INTS8: variants seen among roughly 807,000 people sequenced by gnomAD.
INTS8 encodes protein kaonashi-1.
INTS8 carries 47 observed loss-of-function variants against 138.9 expected under a neutral mutation model. The observed-to-expected ratio is 0.34, with a 90% CI of 0.27 to 0.43. The LOEUF (loss-of-function observed/expected upper bound fraction) is 0.43. Ranked by LOEUF, INTS8 falls within the 20% of genes least tolerant of loss-of-function variation. The pLI, the probability that INTS8 is intolerant of heterozygous loss-of-function variation, is 1.00. For synonymous variants in INTS8, 392 were observed against 400.9 expected, an observed-to-expected ratio of 0.98 and a Z score of 0.27; for missense variants, 996 against 1,173.0, an observed-to-expected ratio of 0.85 and a Z score of 2.20.
At chr8:94,860,829 G>A (rs1206707962) in intron 16 of INTS8, among the ~76,000 whole-genome samples, 2 of 151,960 alleles carry the variant, frequency 1.3e-5, no homozygotes, top group Non-Finnish European at 2.9e-5. Context: ...GCCGAGACGG[G>A]CAGATCACGA....
intron 4 of INTS8, 137 bp downstream of exon 4, chr8:94,827,930 T>G (rs903077439): frequency 1.3e-6 from 1 of 748,936 alleles, no homozygotes; most frequent in African/African-American, 1.7e-5. Context: ...GAAGGTTTGT[T>G]TGAAGGAGTT....
At chr8:94,831,373 C>T (rs2130997523) in intron 5 of INTS8, among the ~76,000 whole-genome samples, 1 of 152,280 alleles carries the variant, frequency 6.6e-6, no homozygotes, top group South Asian at 2.1e-4. Flanking sequence ...CTCGCTTGGC[C>T]TCCCAAAGTG....
At chr8:94,838,737 C>T (rs1815027757) in intron 8 of INTS8, 119 bp downstream of exon 8, 3 of 679,572 alleles carry the variant, frequency 4.4e-6, no homozygotes, top group Non-Finnish European at 5.1e-6. Flanking sequence ...CACTGTCATA[C>T]TGGCCTGTAA....
Position 94,862,103 on chromosome 8 carries a change from G to A in INTS8, c.2076+2471G>A, listed in dbSNP as rs1207210876. On this transcript the variant is annotated intron_variant, in intron 16 of 26. Coordinates refer to ENST00000523731, the MANE Select transcript of INTS8 (RefSeq NM_017864.4). ...TTACAGGCATGCACCACCACACCCG[G>A]GTAGTTTTTTTTTGTTTTGTATTTT... Among the ~76,000 whole-genome samples, 6 of 151,778 alleles carry A rather than the reference G, an allele frequency of 4.0e-5. No individual in the cohort carries two copies. In the East Asian group the frequency reaches 9.8e-4, roughly 25 times the overall value.
intron 5 of INTS8, among the ~76,000 whole-genome samples, chr8:94,830,458 G>T (rs1244365802): frequency 6.6e-6 from 1 of 152,112 alleles, no homozygotes; most frequent in Admixed American, 6.5e-5. Flanking sequence ...CTGGCACATT[G>T]AAGTATACAG....
In INTS8 at chr8:94,867,134, T is replaced by C; in HGVS notation, c.2296-6T>C. 6.3e-7 allele frequency: 1 copy of C among 1,599,954 alleles called. No homozygotes were observed. The highest frequency in any genetic ancestry group is 8.5e-7 in the Non-Finnish European group (1 of 1,171,114). ...GTTTAAGGATTCTGTGTTTTCTTTC[T>C]CATAGGAACCACTCGTTTTGACTAT... is the stretch of plus-strand genomic sequence containing the variant. On this transcript the variant is annotated splice_polypyrimidine_tract_variant and splice_region_variant and intron_variant, in intron 18 of 26. Coordinates refer to ENST00000523731, the MANE Select transcript of INTS8 (RefSeq NM_017864.4).
intron 7 of INTS8, among the ~76,000 whole-genome samples, chr8:94,838,000 A>T: frequency 7.1e-6 from 1 of 141,352 alleles, no homozygotes; most frequent in South Asian, 2.2e-4. Context: ...CTAAACCTTT[A>T]ACCTTTTTGT....
intron 23 of INTS8, among the ~76,000 whole-genome samples, chr8:94,875,388 A>G (rs1816533539): frequency 6.6e-6 from 1 of 152,176 alleles, no homozygotes; most frequent in Admixed American, 6.5e-5. Context: ...TACATAGTCT[A>G]TGATTCCATT....
chr8:94,866,298 A>C, intron 18 of INTS8, 107 bp downstream of exon 18: 1 of 703,246 alleles, frequency 1.4e-6, no homozygotes. Context: ...TTTGTTTTTT[A>C]ATTTTTTTTT....
At chr8:94,837,444 C>G (rs1272096186) in intron 7 of INTS8, among the ~76,000 whole-genome samples, 12 of 152,080 alleles carry the variant, frequency 7.9e-5, no homozygotes, top group Non-Finnish European at 1.5e-5. Context: ...AATGCTCTGA[C>G]TATTCTAGAT....
intron 26 of INTS8, among the ~76,000 whole-genome samples, chr8:94,878,270 C>CT (rs1273573458): frequency 6.6e-6 from 1 of 152,176 alleles, no homozygotes; most frequent in Non-Finnish European, 1.5e-5. Flanking sequence ...TTCGTGGACT[C>CT]TAATTTTTAG....
intron 7 of INTS8, 41 bp downstream of exon 7, chr8:94,836,672 A>C (rs1405812471): frequency 8.2e-7 from 1 of 1,223,274 alleles, no homozygotes; most frequent in Admixed American, 1.8e-5. Context: ...TCAGTTCTTT[A>C]AAACATCTAT....
intron 6 of INTS8, 138 bp from the exon 7 acceptor site, chr8:94,836,386 G>A: frequency 1.6e-6 from 1 of 610,656 alleles, no homozygotes; most frequent in Admixed American, 3.2e-5. Flanking sequence ...GAACACTGGT[G>A]GTAGCACCTC....
Position 94,881,514 on chromosome 8 carries a change from T to G in INTS8, c.*1280T>G. 3 of 917,496 alleles carry G rather than the reference T, an allele frequency of 3.3e-6. No individual in the cohort carries two copies. The highest frequency in any genetic ancestry group is 4.9e-6 in the Non-Finnish European group (3 of 612,566). The allele number at this position is 917,496 out of a possible 1,614,324, so 56.8% of individuals were successfully genotyped here. On this transcript the variant is annotated 3_prime_UTR_variant, in exon 27 of 27. Coordinates refer to ENST00000523731, the MANE Select transcript of INTS8 (RefSeq NM_017864.4). ...TTTAAAATCAGAATGGCAGTGTAAC[T>G]TGTGAATTGGCTAGGGCAATCAATC...
At chr8:94,873,585 C>T in intron 22 of INTS8, 108 bp downstream of exon 22, 2 of 716,128 alleles carry the variant, frequency 2.8e-6, no homozygotes, top group South Asian at 1.7e-5. Context: ...ATCGTAAGTC[C>T]CAGGTTCATG....
At chr8:94,865,731 T>C (rs1816155967) in intron 17 of INTS8, 41 bp downstream of exon 17, 1 of 1,537,892 alleles carries the variant, frequency 6.5e-7, no homozygotes, top group Admixed American at 1.7e-5. Context: ...TTTGAGTTCT[T>C]AATATTTATC....
At chr8:94,833,843 C>T (rs532937719) in intron 6 of INTS8, among the ~76,000 whole-genome samples, 1 of 152,326 alleles carries the variant, frequency 6.6e-6, no homozygotes, top group Non-Finnish European at 1.5e-5. Flanking sequence ...GTGATCTCAG[C>T]TCACCACAAC....
Position 94,838,454 on chromosome 8 carries a change from A to T in INTS8, c.862-9A>T. ...GAATGGATAATGGTGTATACCTCTT[A>T]CTTTACAGATAGGTTCATTATCTCT... On this transcript the variant is annotated splice_polypyrimidine_tract_variant and intron_variant, in intron 7 of 26. Coordinates refer to ENST00000523731, the MANE Select transcript of INTS8 (RefSeq NM_017864.4). The T allele has an allele frequency of 2.5e-6, 4 of 1,605,686 alleles. No homozygotes were observed. Among genetic ancestry groups the T allele is most frequent in the Non-Finnish European group, 3.4e-6 (4 of 1,172,752 alleles).
chr8:94,852,593 GTTT>G (rs112550808), intron 13 of INTS8, among the ~76,000 whole-genome samples: 1 of 142,954 alleles, frequency 7.0e-6, no homozygotes, highest in Non-Finnish European at 1.5e-5. Flanking sequence ...TGTATGGTTT[GTTT>G]TTTTTTTTTG....
Sources: allele counts gnomAD v4.1 joint callset (sites outside exome capture counted in the v4.1 genomes callset), GRCh38; gene constraint gnomAD v4.1.1; transcripts MANE v1.5; gene names NCBI Gene and HGNC (gene_info 2026-07-23, HGNC 2026-07-21).